TYRO3: variants seen among roughly 807,000 people sequenced by gnomAD.
TYRO3 encodes TYRO3 protein tyrosine kinase.
In TYRO3, 38 loss-of-function variants were observed where a neutral mutation model predicts 95.2. That is an observed-to-expected ratio of 0.40 (90% CI 0.31 to 0.52). The LOEUF is 0.52. Among genes scored for constraint, TYRO3 ranks in the 20% least tolerant of loss-of-function variants. The pLI is 0.56. For synonymous variants in TYRO3, 367 were observed against 432.9 expected (o/e 0.85, Z 1.89); for missense variants, 812 against 1,116.4 (o/e 0.73, Z 3.89).
At position 41,578,261 on chromosome 15, in the gene TYRO3, A is replaced by T; in HGVS notation, c.2658A>T (p.Pro886=). 6.2e-7 allele frequency: 1 copy of T among 1,613,360 alleles called. No individual in the cohort carries two copies. Among genetic ancestry groups the T allele is most frequent in the African/African-American group, 1.3e-5 (1 of 75,064 alleles). The part of the protein sequence containing the change: ...RLLLLQQGLL[P]HSSC ...TGCTGCTGCAGCAAGGGCTACTGCC[A>T]CACAGTAGCTGTTAGCCCACAGGCA... The change falls in exon 19 of 19, where the codon CCA becomes CCT. Residue 886 remains proline (P), a synonymous_variant. Coordinates refer to ENST00000263798, the MANE Select transcript of TYRO3 (RefSeq NM_006293.4).
In TYRO3 at chr15:41,577,924, A is replaced by G; in HGVS notation, c.2321A>G (p.Lys774Arg). ...LMYQCWSADP[K>R]QRPSFTCLRM... ...TACCAGTGCTGGAGTGCTGACCCCAAGCAGCGCCCGAGCTTTACTTGTCTG... is the reference window on the plus strand; with the variant it reads ...TACCAGTGCTGGAGTGCTGACCCCAGGCAGCGCCCGAGCTTTACTTGTCTG... The change falls in exon 19 of 19, where the codon AAG becomes AGG. Residue 774 changes from lysine (K) to arginine (R), a missense_variant. Coordinates refer to ENST00000263798, the MANE Select transcript of TYRO3 (RefSeq NM_006293.4). 2 of 1,613,024 alleles carry G rather than the reference A, an allele frequency of 1.2e-6. No individual in the cohort carries two copies. The highest frequency in any genetic ancestry group is 8.5e-7 in the Non-Finnish European group (1 of 1,180,044).
At chr15:41,576,028 C>T (rs1013142991) in intron 18 of TYRO3, among the ~76,000 whole-genome samples, 8 of 143,654 alleles carry the variant, frequency 5.6e-5, no homozygotes, top group Non-Finnish European at 7.5e-5. Flanking sequence ...CACTTGAACC[C>T]GGGAGGCAGA....
chr15:41,566,489 C>T (rs6493004), intron 6 of TYRO3, among the ~76,000 whole-genome samples: 41,579 of 152,096 alleles, frequency 0.27, 5,952 homozygotes, highest in Admixed American at 0.36. Context: ...GGATCTCTTG[C>T]CCTAATGGTT....
chr15:41,574,671 C>A, intron 18 of TYRO3: 1 of 455,988 alleles, frequency 2.2e-6, no homozygotes, highest in Non-Finnish European at 4.4e-6. Context: ...CACTCCCACT[C>A]CATCCAAGCC....
At position 41,578,505 on chromosome 15, in the gene TYRO3, T is replaced by C. The variant is rs146316661; in HGVS notation, c.*229T>C. The C allele has an allele frequency of 1.8e-3, 1,135 of 615,786 alleles. 5 individuals carry two copies. In the African/African-American group the frequency reaches 0.02, roughly 11 times the overall value. The allele number at this position is 615,786 out of a possible 1,614,324, so 38.1% of individuals were successfully genotyped here. A position where few individuals can be genotyped will look rare whatever the true frequency, so the allele number is the denominator to read the frequency against. On this transcript the variant is annotated 3_prime_UTR_variant, in exon 19 of 19. Coordinates refer to ENST00000263798, the MANE Select transcript of TYRO3 (RefSeq NM_006293.4). ...AGTTTAGGCCTTGGCTTGATGGAAG[T>C]GGGCCAGTCCTGGTTGTCTGAACCC...
Sources: allele counts gnomAD v4.1 joint callset (sites outside exome capture counted in the v4.1 genomes callset), GRCh38; gene constraint gnomAD v4.1.1; transcripts MANE v1.5; gene names NCBI Gene and HGNC (gene_info 2026-07-23, HGNC 2026-07-21).